Variants in LYL1 observed in about 807,000 individuals in gnomAD.
LYL1 encodes the protein protein lyl-1.
Under a neutral mutation model 11.1 loss-of-function variants are expected in LYL1, and 4 were observed. The observed-to-expected ratio is 0.36, with a 90% CI of 0.18 to 0.82. The LOEUF (loss-of-function observed/expected upper bound fraction) is 0.82. Among genes scored for constraint, LYL1 ranks in the 40% least tolerant of loss-of-function variants. LYL1 has a pLI of 0.49. For missense variants in LYL1, 356 were observed against 397.6 expected, an observed-to-expected ratio of 0.90 and a Z score of 0.89; for synonymous variants, 179 against 174.8, an observed-to-expected ratio of 1.02 and a Z score of -0.19.
Position 13,100,687 on chromosome 19 carries a change from G to A in LYL1, c.397C>T (p.Pro133Ser). 8.1e-6 allele frequency: 13 copies of A among 1,614,228 alleles called. No homozygotes were observed. The highest frequency in any genetic ancestry group is 1.0e-5 in the Non-Finnish European group (12 of 1,180,034). Residue 133 changes from proline (P) to serine (S), a missense_variant, in exon 3 of 4, where the codon CCA becomes TCA. Pro to Ser is a moderately conservative substitution (Grantham distance 74). Coordinates refer to ENST00000264824, the MANE Select transcript of LYL1 (RefSeq NM_005583.5). Reference sequence around the variant, plus strand: ...GCCAGGTCCAGCTCACAGTGGCTTGGTCTCCGCTTCAACCGGCTGCTAGGG... The same window carrying A: ...GCCAGGTCCAGCTCACAGTGGCTTGATCTCCGCTTCAACCGGCTGCTAGGG... ...IFPSSRLKRR[P>S]SHCELDLAEG...
At chr19:13,100,804 C>A (rs1025645189) in intron 2 of LYL1, 33 bp downstream of exon 2, 20 of 1,596,834 alleles carry the variant, frequency 1.3e-5, no homozygotes, top group Non-Finnish European at 1.5e-5. Flanking sequence ...GGCCCCCAAT[C>A]CCCACTGCCC....
chr19:13,099,991 C>T lies in LYL1; in HGVS notation c.428-257G>A, dbSNP rs2018655319. Among the ~76,000 whole-genome samples the T allele has an allele frequency of 6.6e-6, 1 of 152,190 alleles. No individual in the cohort carries two copies. The highest frequency in any genetic ancestry group is 1.5e-5 in the Non-Finnish European group (1 of 68,026). On this transcript the variant is annotated intron_variant, in intron 3 of 3. Coordinates refer to ENST00000264824, the MANE Select transcript of LYL1 (RefSeq NM_005583.5). The surrounding 1 kb of genome is among the most constrained non-coding windows in gnomAD (Gnocchi z 5.3). ...CACCTTTATGTCAATGACTGAGATT[C>T]CCTAAAGAAAGATTTCCTTGTGTTT...
Position 13,099,342 on chromosome 19 carries a change from C to A in LYL1, c.820G>T (p.Ala274Ser), listed in dbSNP as rs865987221. ...GGTCACCGCACCTCTGGGCTCAAAGCGGTTTGCTCCATCTTGATGGGCCGG... is the reference window on the plus strand; with the variant it reads ...GGTCACCGCACCTCTGGGCTCAAAGAGGTTTGCTCCATCTTGATGGGCCGG... ...AARPIKMEQT[A>S]LSPEVR The change falls in exon 4 of 4, where the codon GCT (alanine) becomes TCT (serine). Residue 274 changes from alanine to serine, a missense_variant. Transcript: ENST00000264824. The surrounding 1 kb of genome is among the most constrained non-coding windows in gnomAD (Gnocchi z 5.3). The A allele has an allele frequency of 7.8e-7, 1 of 1,283,488 alleles. No homozygotes were observed. The allele number at this position is 1,283,488 out of a possible 1,614,324, so 79.5% of individuals were successfully genotyped here.
In LYL1 at chr19:13,100,946, G is replaced by A. The variant is rs759637924; in HGVS notation, c.226C>T (p.Pro76Ser). ...GHSRPPGVAM[P>S]TTELGTLRPP... ...CGCAGAGTGCCCAGCTCTGTGGTGGGCATGGCTACCCCTGGGGGCCTGCTG... is the reference window on the plus strand; with the variant it reads ...CGCAGAGTGCCCAGCTCTGTGGTGGACATGGCTACCCCTGGGGGCCTGCTG... The change falls in exon 2 of 4, where the codon CCC (proline) becomes TCC (serine). Residue 76 changes from proline (P) to serine (S), a missense_variant. Transcript: ENST00000264824. The A allele has an allele frequency of 6.6e-7, 1 of 1,520,194 alleles. No homozygotes were observed. Among genetic ancestry groups the A allele is most frequent in the African/African-American group, 1.4e-5 (1 of 72,726 alleles). The allele number at this position is 1,520,194 out of a possible 1,614,324, so 94.2% of individuals were successfully genotyped here.
Position 13,099,247 on chromosome 19 carries a change from C to T in LYL1, c.*72G>A, listed in dbSNP as rs2018636769. 6 of 1,201,410 alleles carry T rather than the reference C, an allele frequency of 5.0e-6. No homozygotes were observed. Among genetic ancestry groups the T allele is most frequent in the South Asian group, 8.5e-5 (2 of 23,634 alleles). The allele number at this position is 1,201,410 out of a possible 1,614,324, so 74.4% of individuals were successfully genotyped here. Reference sequence around the variant, plus strand: ...CGCTCCCGAACATGCGCAGCACGTCCACTGCCCTTTCCTTGACGGCCCTGG... The same window carrying T: ...CGCTCCCGAACATGCGCAGCACGTCTACTGCCCTTTCCTTGACGGCCCTGG... On this transcript the variant is annotated 3_prime_UTR_variant, in exon 4 of 4. Transcript: ENST00000264824. The surrounding 1 kb of genome is among the most constrained non-coding windows in gnomAD (Gnocchi z 5.3).
Position 13,100,858 on chromosome 19 carries a change from T to TG in LYL1, c.313dup (p.His105ProfsTer18). The TG allele has an allele frequency of 6.4e-7, 1 of 1,573,698 alleles. No homozygotes were observed. Among genetic ancestry groups the TG allele is most frequent in the Non-Finnish European group, 8.6e-7 (1 of 1,159,996 alleles). ...TGACCTGTTGAGGAAGGGGTGAGGG[T>TG]GGTAGTGCAGGGCCAAAGTGGGCGG... On this transcript the variant is annotated frameshift_variant, in exon 2 of 4. Transcript: ENST00000264824. LOFTEE classifies it high-confidence loss of function.
rs2018637870 is a variant in LYL1, at chr19:13,099,276, G to A, written c.*43C>T. 8 of 1,241,742 alleles carry A rather than the reference G, an allele frequency of 6.4e-6. No homozygotes were observed. Among genetic ancestry groups the A allele is most frequent in the Admixed American group, 3.9e-5 (1 of 25,462 alleles). The allele number at this position is 1,241,742 out of a possible 1,614,324, so 76.9% of individuals were successfully genotyped here. A position where few individuals can be genotyped will look rare whatever the true frequency, so the allele number is the denominator to read the frequency against. On this transcript the variant is annotated 3_prime_UTR_variant, in exon 4 of 4. Coordinates refer to ENST00000264824, the MANE Select transcript of LYL1 (RefSeq NM_005583.5). The surrounding 1 kb of genome is among the most constrained non-coding windows in gnomAD (Gnocchi z 5.3). ...GCCCTTTCCTTGACGGCCCTGGGCCGAGTCCCTGGTGCCCTCCGGCTCAGA... is the reference window on the plus strand; with the variant it reads ...GCCCTTTCCTTGACGGCCCTGGGCCAAGTCCCTGGTGCCCTCCGGCTCAGA...
intron 3 of LYL1, among the ~76,000 whole-genome samples, chr19:13,100,441 G>A (rs2018668233): frequency 6.6e-6 from 1 of 152,216 alleles, no homozygotes; most frequent in Non-Finnish European, 1.5e-5. Flanking sequence ...TTGGCCTGTT[G>A]GGTGGCGGTG....
Position 13,100,866 on chromosome 19 carries a change from C to T in LYL1, c.306G>A (p.Leu102=). The change falls in exon 2 of 4, where the codon CTG becomes CTA. Residue 102 remains leucine (L), a synonymous_variant. Coordinates refer to ENST00000264824, the MANE Select transcript of LYL1 (RefSeq NM_005583.5). ...TLGTAPPTLA[L]HYHPHPFLNS... ...TGAGGAAGGGGTGAGGGTGGTAGTG[C>T]AGGGCCAAAGTGGGCGGGGCAGTTC... is the stretch of plus-strand genomic sequence containing the variant. 6.4e-7 allele frequency: 1 copy of T among 1,572,290 alleles called. No individual in the cohort carries two copies. Among genetic ancestry groups the T allele is most frequent in the Non-Finnish European group, 8.6e-7 (1 of 1,159,080 alleles).
intron 3 of LYL1, 53 bp downstream of exon 3, chr19:13,100,604 A>C: frequency 6.6e-7 from 1 of 1,509,194 alleles, no homozygotes; most frequent in Non-Finnish European, 9.2e-7. Context: ...CTGTGCACCC[A>C]CAAGTGCACA....
In LYL1 at chr19:13,099,068, T is replaced by C; in HGVS notation, c.*251A>G. The C allele has an allele frequency of 2.8e-6, 1 of 359,270 alleles. No individual in the cohort carries two copies. Among genetic ancestry groups the C allele is most frequent in the Non-Finnish European group, 5.0e-6 (1 of 201,502 alleles). 22.3% of individuals were successfully genotyped at this position (359,270 alleles called of 1,614,324 possible). On this transcript the variant is annotated 3_prime_UTR_variant, in exon 4 of 4. Coordinates refer to ENST00000264824, the MANE Select transcript of LYL1 (RefSeq NM_005583.5). The surrounding 1 kb of genome is among the most constrained non-coding windows in gnomAD (Gnocchi z 5.3). ...GCTCTGCCATGTTGCTTTGCCGACC[T>C]CGCCCCTGGGAAGGGGACCGGGCAA...
At position 13,101,329 on chromosome 19, in the gene LYL1, A is replaced by C; in HGVS notation, c.-24-134T>G. ...AGGAGGAGAGAAGTTTCAGTAGGCA[A>C]AGGCAGATGGCGGGGGCAGGCCCAG... On this transcript the variant is annotated intron_variant, in intron 1 of 3. Coordinates refer to ENST00000264824, the MANE Select transcript of LYL1 (RefSeq NM_005583.5). The surrounding 1 kb of genome is among the most constrained non-coding windows in gnomAD (Gnocchi z 5.1). The C allele has an allele frequency of 2.9e-5, 12 of 407,258 alleles. No individual in the cohort carries two copies. Among genetic ancestry groups the C allele is most frequent in the Middle Eastern group, 6.2e-4 (1 of 1,604 alleles). 25.2% of individuals were successfully genotyped at this position (407,258 alleles called of 1,614,324 possible). A position where few individuals can be genotyped will look rare whatever the true frequency, so the allele number is the denominator to read the frequency against.
chr19:13,101,457 C>T lies in LYL1; in HGVS notation c.-24-262G>A, dbSNP rs1344082656. The T allele has an allele frequency of 1.1e-5, 4 of 375,140 alleles. No individual in the cohort carries two copies. The highest frequency in any genetic ancestry group is 2.1e-5 in the African/African-American group (1 of 48,186). 23.2% of individuals were successfully genotyped at this position (375,140 alleles called of 1,614,324 possible). A position where few individuals can be genotyped will look rare whatever the true frequency, so the allele number is the denominator to read the frequency against. The stretch of plus-strand genomic sequence containing the variant: ...TGAGCTCTTTGTGACCCAGGAGGGG[C>T]GCTGTTGCCCAGCCTCTGAGCAAAT... On this transcript the variant is annotated intron_variant, in intron 1 of 3. Coordinates refer to ENST00000264824, the MANE Select transcript of LYL1 (RefSeq NM_005583.5). The surrounding 1 kb of genome is among the most constrained non-coding windows in gnomAD (Gnocchi z 5.1).
Position 13,101,368 on chromosome 19 carries a change from A to C in LYL1, c.-24-173T>G. On this transcript the variant is annotated intron_variant, in intron 1 of 3. Transcript: ENST00000264824. This position sits in a 1 kb window ranked among gnomAD's most constrained non-coding sequence, Gnocchi z 5.1. ...GGGCAGGCCCAGAAACTTCCAGGAC[A>C]CGGGAGGGGGGTCCTACGTTAGAGT... 6.8e-5 allele frequency: 27 copies of C among 396,432 alleles called. No homozygotes were observed. The highest frequency in any genetic ancestry group is 6.4e-4 in the Middle Eastern group (1 of 1,552). The allele number at this position is 396,432 out of a possible 1,614,324, so 24.6% of individuals were successfully genotyped here.
chr19:13,099,723 G>A lies in LYL1; in HGVS notation c.439C>T (p.Gln147Ter). 6.6e-7 allele frequency: 1 copy of A among 1,514,056 alleles called. No homozygotes were observed. The highest frequency in any genetic ancestry group is 8.9e-7 in the Non-Finnish European group (1 of 1,127,586). The allele number at this position is 1,514,056 out of a possible 1,614,324, so 93.8% of individuals were successfully genotyped here. ...GTGAACACGCGCCGGGCCACCTTCTGGGGCTGGTGCCCTGTGGACAAGGAG... is the reference window on the plus strand; with the variant it reads ...GTGAACACGCGCCGGGCCACCTTCTAGGGCTGGTGCCCTGTGGACAAGGAG... ...ELDLAEGHQP[Q>*]KVARRVFTNS... is the part of the protein sequence containing the mutation. Residue 147 changes from glutamine to a stop codon, truncating the protein, a stop_gained, in exon 4 of 4, where the codon CAG becomes TAG. Coordinates refer to ENST00000264824, the MANE Select transcript of LYL1 (RefSeq NM_005583.5). LOFTEE classifies it low-confidence loss of function (END_TRUNC). The surrounding 1 kb of genome is among the most constrained non-coding windows in gnomAD (Gnocchi z 5.3).
At position 13,101,400 on chromosome 19, in the gene LYL1, C is replaced by T. The variant is rs1003393; in HGVS notation, c.-24-205G>A. ...GGGGGTCCTACGTTAGAGTAGGAGG[C>T]GCCCCCCAGGTGCTAGGCAGCGCAC... On this transcript the variant is annotated intron_variant, in intron 1 of 3. Coordinates refer to ENST00000264824, the MANE Select transcript of LYL1 (RefSeq NM_005583.5). This position sits in a 1 kb window ranked among gnomAD's most constrained non-coding sequence, Gnocchi z 5.1. 0.014 allele frequency: 5,900 copies of T among 421,918 alleles called. 64 individuals carry two copies. Among genetic ancestry groups the T allele is most frequent in the African/African-American group, 0.028 (1,356 of 48,706 alleles). The allele number at this position is 421,918 out of a possible 1,614,324, so 26.1% of individuals were successfully genotyped here. A position where few individuals can be genotyped will look rare whatever the true frequency, so the allele number is the denominator to read the frequency against.
At position 13,102,699 on chromosome 19, in the gene LYL1, G is replaced by C. The variant is rs1252420618; in HGVS notation, c.-193C>G. On this transcript the variant is annotated 5_prime_UTR_variant, in exon 1 of 4. Coordinates refer to ENST00000264824, the MANE Select transcript of LYL1 (RefSeq NM_005583.5). This position sits in a 1 kb window ranked among gnomAD's most constrained non-coding sequence, Gnocchi z 4.9. ...TGGGCCGCGCCTCCTCGTGGGCCTC[G>C]GAAGGCCAGGATAGCCGAGGTCTCC... 1 of 159,604 alleles carries C rather than the reference G, an allele frequency of 6.3e-6. No homozygotes were observed. The highest frequency in any genetic ancestry group is 1.4e-5 in the Non-Finnish European group (1 of 72,106). 9.9% of individuals were successfully genotyped at this position (159,604 alleles called of 1,614,324 possible).
intron 3 of LYL1, 44 bp downstream of exon 3, chr19:13,100,613 C>T: frequency 6.4e-7 from 1 of 1,563,342 alleles, no homozygotes; most frequent in Non-Finnish European, 8.8e-7. Flanking sequence ...CACAAGTGCA[C>T]ATACAGGCAT....
chr19:13,099,475 C>T lies in LYL1; in HGVS notation c.687G>A (p.Arg229=), dbSNP rs1172853873. The change falls in exon 4 of 4, where the codon CGG becomes CGA. Residue 229 remains arginine, a synonymous_variant. Transcript: ENST00000264824. The surrounding 1 kb of genome is among the most constrained non-coding windows in gnomAD (Gnocchi z 5.3). ...PPGPRKRPVH[R]VPDDGARRGS... ...CCCGGCGGGCGCCGTCGTCTGGGAC[C>T]CGGTGCACCGGCCGTTTGCGAGGCC... is the stretch of plus-strand genomic sequence containing the variant. 7.7e-7 allele frequency: 1 copy of T among 1,295,450 alleles called. No individual in the cohort carries two copies. Among genetic ancestry groups the T allele is most frequent in the East Asian group, 3.1e-5 (1 of 31,884 alleles). 80.2% of individuals were successfully genotyped at this position (1,295,450 alleles called of 1,614,324 possible). A position where few individuals can be genotyped will look rare whatever the true frequency, so the allele number is the denominator to read the frequency against.
Sources: gnomAD v4.1 joint callset for allele counts (sites outside exome capture counted in the v4.1 genomes callset) on GRCh38, gnomAD v4.1.1 for gene constraint, Gnocchi (gnomAD v3.1) non-coding constraint, MANE v1.5 for transcripts, NCBI Gene and HGNC (gene_info 2026-07-23, HGNC 2026-07-21) for gene names.